KIRREL3: variants seen among roughly 807,000 people sequenced by gnomAD.
The protein encoded by KIRREL3 is kin of IRRE-like protein 3.
A neutral mutation model predicts 89.7 loss-of-function variants in KIRREL3; 36 were observed. That is an observed-to-expected ratio of 0.40 (90% CI 0.31 to 0.53). KIRREL3 has a LOEUF of 0.53. Among genes scored for constraint, KIRREL3 ranks in the 20% least tolerant of loss-of-function variants. KIRREL3 has a pLI of 0.49. For synonymous variants in KIRREL3, 445 were observed against 441.4 expected (o/e 1.01, Z -0.10); for missense variants, 864 against 1,056.6 (o/e 0.82, Z 2.53).
At position 126,620,151 on chromosome 11, in the gene KIRREL3, A is replaced by G. The variant is rs959533867; in HGVS notation, c.56-57239T>C. On this transcript the variant is annotated intron_variant, in intron 1 of 16. Coordinates refer to ENST00000525144, the MANE Select transcript of KIRREL3 (RefSeq NM_032531.4). The surrounding 1 kb of genome is among the most constrained non-coding windows in gnomAD (Gnocchi z 4.8). ...TCTTATAACACTTGACCAAAAACCA[A>G]ACAACAAAAACAAGGCTACTTTCTT... Among the ~76,000 whole-genome samples, 2 of 151,938 alleles carry G rather than the reference A, an allele frequency of 1.3e-5. No individual in the cohort carries two copies. Among genetic ancestry groups the G allele is most frequent in the African/African-American group, 4.8e-5 (2 of 41,392 alleles).
At chr11:126,693,199 G>T (rs756779600) in intron 1 of KIRREL3, among the ~76,000 whole-genome samples, 7 of 152,206 alleles carry the variant, frequency 4.6e-5, no homozygotes, top group Non-Finnish European at 8.8e-5. Context: ...CAGGCAGACT[G>T]CCTGAGATCA....
Position 126,424,957 on chromosome 11 carries a change from G to T in KIRREL3, c.1960C>A (p.Leu654Ile), listed in dbSNP as rs753491219. Reference sequence around the variant, plus strand: ...CGCAGGTCGGGCTGGCAGCTGGAGAGGGAGATGGTCGGGGTTGAGTGGTGC... The same window carrying T: ...CGCAGGTCGGGCTGGCAGCTGGAGATGGAGATGGTCGGGGTTGAGTGGTGC... ...KEHHSTPTIS[L>I]SSCQPDLRPA... The change falls in exon 17 of 17, where the codon CTC becomes ATC. Residue 654 changes from leucine (L) to isoleucine (I), a missense_variant. Coordinates refer to ENST00000525144, the MANE Select transcript of KIRREL3 (RefSeq NM_032531.4). 1.9e-6 allele frequency: 3 copies of T among 1,591,814 alleles called. No homozygotes were observed. The highest frequency in any genetic ancestry group is 2.6e-6 in the Non-Finnish European group (3 of 1,166,496).
At position 126,923,137 on chromosome 11, in the gene KIRREL3, C is replaced by T. The variant is rs1186376475; in HGVS notation, c.55+77318G>A. Among the ~76,000 whole-genome samples the T allele has an allele frequency of 2.8e-4, 4 of 14,452 alleles. 1 individual carries two copies. Among genetic ancestry groups the T allele is most frequent in the African/African-American group, 1.9e-3 (4 of 2,094 alleles). The allele number at this position is 14,452 out of a possible 152,430, so 9.5% of individuals were successfully genotyped here. A position where few individuals can be genotyped will look rare whatever the true frequency, so the allele number is the denominator to read the frequency against. On this transcript the variant is annotated intron_variant, in intron 1 of 16. Transcript: ENST00000525144. ...TTCTCCTTCTCCTTCTTCTCTTCTT[C>T]TTCTTCTTCTTCTTCTTCTTCTTCT...
intron 1 of KIRREL3, among the ~76,000 whole-genome samples, chr11:126,888,663 T>C (rs1033908531): frequency 5.3e-5 from 8 of 152,112 alleles, no homozygotes; most frequent in African/African-American, 1.9e-4. Flanking sequence ...CAGAAGTTCA[T>C]TAAAAAGATA....
rs1423408617 is a variant in KIRREL3, at chr11:126,989,850, G to T, written c.55+10605C>A. On this transcript the variant is annotated intron_variant, in intron 1 of 16. Transcript: ENST00000525144. This position sits in a 1 kb window ranked among gnomAD's most constrained non-coding sequence, Gnocchi z 6.2. ...AAGGATGTTCAAACAGCCATGGCCC[G>T]TGGTGGTTTTTTATAATGGTGTTGT... Among the ~76,000 whole-genome samples the T allele has an allele frequency of 1.3e-5, 2 of 152,208 alleles. No individual in the cohort carries two copies. Among genetic ancestry groups the T allele is most frequent in the Admixed American group, 6.5e-5 (1 of 15,286 alleles).
rs999331111 is a variant in KIRREL3 at position 126,609,932 on chromosome 11, C to T, written c.56-47020G>A. Among the ~76,000 whole-genome samples, 4 of 152,150 alleles carry T rather than the reference C, an allele frequency of 2.6e-5. No individual in the cohort carries two copies. Among genetic ancestry groups the T allele is most frequent in the East Asian group, 1.9e-4 (1 of 5,200 alleles). On this transcript the variant is annotated intron_variant, in intron 1 of 16. Transcript: ENST00000525144. This position sits in a 1 kb window ranked among gnomAD's most constrained non-coding sequence, Gnocchi z 5.0. ...AAGAATTTTATGTGGATGACTTCAA[C>T]GAATCCTCAGAACAACCCAATGTTG...
chr11:126,874,894 G>T (rs922439619), intron 1 of KIRREL3, among the ~76,000 whole-genome samples: 2 of 152,132 alleles, frequency 1.3e-5, no homozygotes, highest in African/African-American at 4.8e-5. Context: ...GGCCTAGAGA[G>T]GTGGAGACCT....
In KIRREL3 at chr11:126,807,643, C is replaced by A. The variant is rs368914343; in HGVS notation, c.55+192812G>T. Among the ~76,000 whole-genome samples the A allele has an allele frequency of 1.1e-4, 16 of 152,268 alleles. No individual in the cohort carries two copies. The East Asian group carries it at 2.1e-3, about 20-fold the overall frequency. On this transcript the variant is annotated intron_variant, in intron 1 of 16. Coordinates refer to ENST00000525144, the MANE Select transcript of KIRREL3 (RefSeq NM_032531.4). This position sits in a 1 kb window ranked among gnomAD's most constrained non-coding sequence, Gnocchi z 4.3. Reference sequence around the variant, plus strand: ...CCCATCTCCATGCCTTTAAACTTGTCACAGTTCCTGCCTGGAGTGCTTTTC... The same window carrying A: ...CCCATCTCCATGCCTTTAAACTTGTAACAGTTCCTGCCTGGAGTGCTTTTC...
At chr11:126,505,629 G>A (rs1167984090) in intron 4 of KIRREL3, among the ~76,000 whole-genome samples, 1 of 152,092 alleles carries the variant, frequency 6.6e-6, no homozygotes, top group African/African-American at 2.4e-5. Flanking sequence ...TTAATTGTGT[G>A]TATATATAGA....
At chr11:126,597,078 A>T (rs1942430808) in intron 1 of KIRREL3, among the ~76,000 whole-genome samples, 1 of 152,246 alleles carries the variant, frequency 6.6e-6, no homozygotes, top group South Asian at 2.1e-4. Context: ...CCCTTGATTT[A>T]CACTAGCCAT....
Position 126,627,720 on chromosome 11 carries a change from C to T in KIRREL3, c.56-64808G>A, listed in dbSNP as rs918489762. Among the ~76,000 whole-genome samples, 3 of 152,090 alleles carry T rather than the reference C, an allele frequency of 2.0e-5. No individual in the cohort carries two copies. The highest frequency in any genetic ancestry group is 2.9e-5 in the Non-Finnish European group (2 of 68,012). ...CTCCAGAGAAGGGAGATGGCATTGGCGGCAGGAGGGAGGGAGAAGAATGTT... is the reference window on the plus strand; with the variant it reads ...CTCCAGAGAAGGGAGATGGCATTGGTGGCAGGAGGGAGGGAGAAGAATGTT... On this transcript the variant is annotated intron_variant, in intron 1 of 16. Coordinates refer to ENST00000525144, the MANE Select transcript of KIRREL3 (RefSeq NM_032531.4). This position sits in a 1 kb window ranked among gnomAD's most constrained non-coding sequence, Gnocchi z 5.0.
At chr11:126,440,677 T>G (rs1234554865) in intron 10 of KIRREL3, 128 bp from the exon 11 acceptor site, 3 of 859,942 alleles carry the variant, frequency 3.5e-6, no homozygotes, top group Non-Finnish European at 5.7e-6. Context: ...GGCCTGTATG[T>G]GCAAGGTAAA....
In KIRREL3 at chr11:126,436,848, G is replaced by A. The variant is rs550890190; in HGVS notation, c.1515C>T (p.Phe505=). The A allele has an allele frequency of 8.1e-6, 13 of 1,613,720 alleles. No homozygotes were observed. Among genetic ancestry groups the A allele is most frequent in the South Asian group, 3.3e-5 (3 of 91,062 alleles). The change falls in exon 12 of 17, where the codon TTC becomes TTT. Residue 505 remains phenylalanine (F), a synonymous_variant. Transcript: ENST00000525144. ...TIYNCTAWNS[F]GSDTEIIRLK... ...GCCGGATGATCTCAGTGTCGGAGCC[G>A]AAGCTGTTCCAGGCCGTGCAGTTGT...
chr11:126,758,572 C>T (rs1431466872), intron 1 of KIRREL3, among the ~76,000 whole-genome samples: 1 of 152,200 alleles, frequency 6.6e-6, no homozygotes, highest in Non-Finnish European at 1.5e-5. Context: ...CCTCCCCTCT[C>T]CCCACCAAAG....
At position 126,555,579 on chromosome 11, in the gene KIRREL3, C is replaced by G. The variant is rs1254951426; in HGVS notation, c.133+7256G>C. On this transcript the variant is annotated intron_variant, in intron 2 of 16. Transcript: ENST00000525144. The surrounding 1 kb of genome is among the most constrained non-coding windows in gnomAD (Gnocchi z 4.2). ...GTGAGCGTGGCAAGCAGGGTAGACACAGGGAGCAGGGTAGACACAGGCCCT... is the reference window on the plus strand; with the variant it reads ...GTGAGCGTGGCAAGCAGGGTAGACAGAGGGAGCAGGGTAGACACAGGCCCT... Among the ~76,000 whole-genome samples, 5 of 152,004 alleles carry G rather than the reference C, an allele frequency of 3.3e-5. No individual in the cohort carries two copies. The highest frequency in any genetic ancestry group is 1.3e-4 in the Admixed American group (2 of 15,266).
chr11:126,742,525 A>G lies in KIRREL3; in HGVS notation c.56-179613T>C, dbSNP rs1460785901. Among the ~76,000 whole-genome samples the G allele has an allele frequency of 6.6e-6, 1 of 152,206 alleles. No individual in the cohort carries two copies. The highest frequency in any genetic ancestry group is 6.5e-5 in the Admixed American group (1 of 15,290). On this transcript the variant is annotated intron_variant, in intron 1 of 16. Coordinates refer to ENST00000525144, the MANE Select transcript of KIRREL3 (RefSeq NM_032531.4). This position sits in a 1 kb window ranked among gnomAD's most constrained non-coding sequence, Gnocchi z 5.3. ...TAAGACACACAACATGGATCTCAGA[A>G]CTGGAAAGAACAAGAGATTTTCCCA...
Position 126,663,638 on chromosome 11 carries a change from A to T in KIRREL3, c.56-100726T>A, listed in dbSNP as rs567106051. On this transcript the variant is annotated intron_variant, in intron 1 of 16. Transcript: ENST00000525144. Reference sequence around the variant, plus strand: ...CTGGAAAATGTACTAATAGCTGGGGATGGCAGGTTCCCAGGGAAGTGGCAC... The same window carrying T: ...CTGGAAAATGTACTAATAGCTGGGGTTGGCAGGTTCCCAGGGAAGTGGCAC... Among the ~76,000 whole-genome samples, 5 of 152,278 alleles carry T rather than the reference A, an allele frequency of 3.3e-5. No individual in the cohort carries two copies. The South Asian group carries it at 8.3e-4, about 25-fold the overall frequency.
At position 126,899,523 on chromosome 11, in the gene KIRREL3, C is replaced by T. The variant is rs574703140; in HGVS notation, c.55+100932G>A. Reference sequence around the variant, plus strand: ...GAATTAAAATGGTGACCACTTTTCTCCTTCCATCTAACCAATTTGAAACAA... The same window carrying T: ...GAATTAAAATGGTGACCACTTTTCTTCTTCCATCTAACCAATTTGAAACAA... On this transcript the variant is annotated intron_variant, in intron 1 of 16. Transcript: ENST00000525144. Among the ~76,000 whole-genome samples, 125 of 152,300 alleles carry T rather than the reference C, an allele frequency of 8.2e-4. 3 individuals carry two copies. The highest frequency in any genetic ancestry group is 6.8e-3 in the Middle Eastern group (2 of 294).
Position 126,669,792 on chromosome 11 carries a change from C to T in KIRREL3, c.56-106880G>A, listed in dbSNP as rs921689866. On this transcript the variant is annotated intron_variant, in intron 1 of 16. Coordinates refer to ENST00000525144, the MANE Select transcript of KIRREL3 (RefSeq NM_032531.4). This position sits in a 1 kb window ranked among gnomAD's most constrained non-coding sequence, Gnocchi z 5.0. ...TTTTAAATTATAAATCCAGTCTTGA[C>T]CTATCCCTTGGGCTAAAGATTTGTA... 4.6e-5 allele frequency among the ~76,000 whole-genome samples: 7 copies of T among 152,176 alleles called. No individual in the cohort carries two copies. Among genetic ancestry groups the T allele is most frequent in the African/African-American group, 1.7e-4 (7 of 41,444 alleles).
Sources: gnomAD v4.1 joint callset for allele counts (sites outside exome capture counted in the v4.1 genomes callset) on GRCh38, gnomAD v4.1.1 for gene constraint, Gnocchi (gnomAD v3.1) non-coding constraint, MANE v1.5 for transcripts, NCBI Gene and HGNC (gene_info 2026-07-23, HGNC 2026-07-21) for gene names.